NRXN3: variants seen among roughly 807,000 people sequenced by gnomAD.
NRXN3 encodes the protein neurexin 3.
Under a neutral mutation model 137.6 loss-of-function variants are expected in NRXN3, and 32 were observed. That is an observed-to-expected ratio of 0.23 (90% confidence interval 0.18 to 0.31). The LOEUF (loss-of-function observed/expected upper bound fraction) is 0.31, where lower values mean the gene tolerates loss of function less well. NRXN3 is among the 10% of genes least tolerant of loss of function. The probability of loss-of-function intolerance (pLI) is 1.00; values close to 1 mark genes in which losing one functional copy is unlikely to be tolerated. For missense variants in NRXN3, 1,574 were observed against 2,062.5 expected (o/e 0.76, Z 4.59); for synonymous variants, 798 against 784.5 (o/e 1.02, Z -0.29).
At chr14:79,234,278 A>G (rs1466234596) in intron 15 of NRXN3, among the ~76,000 whole-genome samples, 1 of 124,724 alleles carries the variant, frequency 8.0e-6, no homozygotes, top group Non-Finnish European at 1.6e-5. Context: ...AAATCAGGGA[A>G]CATATTCAAT....
At chr14:78,266,195 A>T (rs1271165419) in intron 2 of NRXN3, among the ~76,000 whole-genome samples, 1 of 152,208 alleles carries the variant, frequency 6.6e-6, no homozygotes, top group East Asian at 1.9e-4. Context: ...AAAAATAGTG[A>T]TTAATAATAA....
chr14:79,122,497 G>A (rs1375722228), intron 15 of NRXN3, among the ~76,000 whole-genome samples: 1 of 151,988 alleles, frequency 6.6e-6, no homozygotes, highest in Non-Finnish European at 1.5e-5. Context: ...ATACTACATG[G>A]GATACATAAG....
chr14:78,214,473 A>G (rs181356474), intron 1 of NRXN3, among the ~76,000 whole-genome samples: 2 of 152,240 alleles, frequency 1.3e-5, no homozygotes, highest in Non-Finnish European at 2.9e-5. Context: ...GATTTTTCCA[A>G]TAGGCTAAAA....
At chr14:78,496,236 C>A (rs1217155259) in intron 4 of NRXN3, among the ~76,000 whole-genome samples, 2 of 152,222 alleles carry the variant, frequency 1.3e-5, no homozygotes, top group South Asian at 4.2e-4. Flanking sequence ...AGAGGGGAAA[C>A]CTAACTCATC....
intron 3 of NRXN3, among the ~76,000 whole-genome samples, chr14:78,289,350 C>A (rs1350747289): frequency 6.6e-6 from 1 of 152,118 alleles, no homozygotes; most frequent in Non-Finnish European, 1.5e-5. Context: ...GCCATTTAAA[C>A]CACCATTTTT....
intron 7 of NRXN3, among the ~76,000 whole-genome samples, 182 bp from the exon 8 acceptor site, chr14:78,714,574 T>C (rs2098423183): frequency 6.6e-6 from 1 of 152,234 alleles, no homozygotes; most frequent in Non-Finnish European, 1.5e-5. Context: ...TTGACTTAGC[T>C]GGCAGAGATT....
chr14:78,501,075 A>G (rs1414395039), intron 4 of NRXN3, among the ~76,000 whole-genome samples: 2 of 152,146 alleles, frequency 1.3e-5, no homozygotes, highest in African/African-American at 4.8e-5. Context: ...TACTTATGAC[A>G]TGCAACTTCC....
intron 10 of NRXN3, among the ~76,000 whole-genome samples, chr14:78,848,491 T>G (rs111793683): frequency 6.6e-6 from 1 of 152,254 alleles, no homozygotes; most frequent in Non-Finnish European, 1.5e-5. Context: ...AGGCCGTGCC[T>G]TCAGATTAGA....
At chr14:79,495,678 A>C (rs2153663495) in intron 16 of NRXN3, among the ~76,000 whole-genome samples, 1 of 152,324 alleles carries the variant, frequency 6.6e-6, no homozygotes, top group South Asian at 2.1e-4. Context: ...TTTACAGATA[A>C]GAAAACTGAA....
At chr14:78,605,666 A>C (rs2097244382) in intron 4 of NRXN3, among the ~76,000 whole-genome samples, 1 of 152,206 alleles carries the variant, frequency 6.6e-6, no homozygotes. Context: ...CTTTACAAAC[A>C]GAAGCCAGAA....
chr14:79,537,503 A>G (rs911273123), intron 16 of NRXN3, among the ~76,000 whole-genome samples: 1 of 151,528 alleles, frequency 6.6e-6, no homozygotes, highest in Non-Finnish European at 1.5e-5. Context: ...ATGTGTTCTC[A>G]TTGTTCAATT....
At chr14:79,560,503 G>GCTTTT (rs1374503722) in intron 16 of NRXN3, among the ~76,000 whole-genome samples, 529 of 39,562 alleles carry the variant, frequency 0.013, 20 homozygotes, top group East Asian at 0.024. Flanking sequence ...AAGATTGTAA[G>GCTTTT]CTTTTTTTTT....
At chr14:78,915,908 A>T (rs2152804482) in intron 10 of NRXN3, among the ~76,000 whole-genome samples, 1 of 152,310 alleles carries the variant, frequency 6.6e-6, no homozygotes, top group South Asian at 2.1e-4. Flanking sequence ...GGAGTAATTC[A>T]ATTAAAATTA....
rs2099022894 is a variant in NRXN3, at chr14:78,845,083, A to G, written c.2275+34739A>G. On this transcript the variant is annotated intron_variant, in intron 10 of 20. Transcript: ENST00000335750. The stretch of plus-strand genomic sequence containing the variant: ...GCCTGAAAAAAAAACTGTTGCAATG[A>G]TCTTCATTGGCTAAATTAAAATATA... Among the ~76,000 whole-genome samples the G allele has an allele frequency of 2.0e-5, 3 of 152,052 alleles. No individual in the cohort carries two copies. In the South Asian group the frequency reaches 6.2e-4, roughly 32 times the overall value.
intron 10 of NRXN3, among the ~76,000 whole-genome samples, chr14:78,866,029 A>G (rs1483539952): frequency 6.6e-6 from 1 of 152,186 alleles, no homozygotes; most frequent in African/African-American, 2.4e-5. Context: ...CCAGGTTCAT[A>G]ACTAAGTTAC....
rs185852879 is a variant in NRXN3, at chr14:78,212,357, G to T, written c.-703-30034G>T. ...GACACTTGAGGGCACTATAAATCTTGCCCCCACCCTTAAATGAAATTAATG... is the reference window on the plus strand; with the variant it reads ...GACACTTGAGGGCACTATAAATCTTTCCCCCACCCTTAAATGAAATTAATG... On this transcript the variant is annotated intron_variant, in intron 1 of 20. Transcript: ENST00000335750. Among the ~76,000 whole-genome samples the T allele has an allele frequency of 1.5e-3, 226 of 151,856 alleles. 2 individuals are homozygous for T. Among genetic ancestry groups the T allele is most frequent in the African/African-American group, 5.3e-3 (220 of 41,160 alleles).
intron 8 of NRXN3, among the ~76,000 whole-genome samples, chr14:78,777,052 C>T (rs564224304): frequency 6.6e-6 from 1 of 152,276 alleles, no homozygotes; most frequent in African/African-American, 2.4e-5. Context: ...GGAGGCCATT[C>T]ATGTACATAT....
chr14:78,718,503 G>A (rs2098444753), intron 8 of NRXN3, among the ~76,000 whole-genome samples: 1 of 152,138 alleles, frequency 6.6e-6, no homozygotes, highest in Admixed American at 6.5e-5. Context: ...AAAGTCATCA[G>A]CCAAGTATAA....
intron 19 of NRXN3, among the ~76,000 whole-genome samples, chr14:79,718,835 T>TTCCTTTTTC (rs1293810541): frequency 6.6e-6 from 1 of 152,140 alleles, no homozygotes; most frequent in Non-Finnish European, 1.5e-5. Context: ...TCAACCCAGA[T>TTCCTTTTTC]TCCTTTTTCT....
Sources: gnomAD v4.1 joint callset for allele counts (sites outside exome capture counted in the v4.1 genomes callset) on GRCh38, gnomAD v4.1.1 for gene constraint, MANE v1.5 for transcripts, NCBI Gene and HGNC (gene_info 2026-07-23, HGNC 2026-07-21) for gene names.